CFAP299: variants seen among roughly 807,000 people sequenced by gnomAD.
CFAP299 encodes the protein cilia and flagella associated protein 299, also known as cilia- and flagella-associated protein 299.
Under a neutral mutation model 27.0 loss-of-function variants are expected in CFAP299, and 21 were observed. The ratio of observed to expected loss-of-function variants is 0.78; its 90% confidence interval spans 0.55 to 1.12. The LOEUF (loss-of-function observed/expected upper bound fraction) is 1.12. CFAP299 is among the 50% of genes most tolerant of loss of function. The pLI is 0.00. For missense variants in CFAP299, 310 were observed against 276.6 expected (o/e 1.12, Z -0.86); for synonymous variants, 104 against 98.1 (o/e 1.06, Z -0.36).
intron 2 of CFAP299, among the ~76,000 whole-genome samples, chr4:80,456,725 C>T (rs1729181277): frequency 6.6e-6 from 1 of 152,092 alleles, no homozygotes; most frequent in Non-Finnish European, 1.5e-5. Flanking sequence ...GTTGGATAAC[C>T]ATGTTGGAGT....
chr4:80,441,563 T>C (rs948825804), intron 2 of CFAP299, among the ~76,000 whole-genome samples: 7 of 152,204 alleles, frequency 4.6e-5, no homozygotes, highest in Admixed American at 3.9e-4. Flanking sequence ...CTGCACTAAA[T>C]ATGGAAAGGA....
At chr4:80,665,903 C>T (rs1000267554) in intron 3 of CFAP299, among the ~76,000 whole-genome samples, 7 of 152,064 alleles carry the variant, frequency 4.6e-5, no homozygotes, top group African/African-American at 1.4e-4. Context: ...TGGTCCTGCT[C>T]CTGCCACGTG....
intron 2 of CFAP299, among the ~76,000 whole-genome samples, chr4:80,565,652 A>G (rs956787351): frequency 1.3e-4 from 20 of 152,214 alleles, no homozygotes; most frequent in African/African-American, 4.3e-4. Context: ...CTGGTATCAT[A>G]CCTATTTAAA....
In CFAP299 at chr4:80,447,126, T is replaced by TA. The variant is rs1356560741; in HGVS notation, c.242+84242_242+84243insA. Among the ~76,000 whole-genome samples the TA allele has an allele frequency of 5.9e-5, 7 of 118,160 alleles. 1 individual carries two copies. The highest frequency in any genetic ancestry group is 2.6e-4 in the East Asian group (1 of 3,784). 77.5% of individuals were successfully genotyped at this position (118,160 alleles called of 152,430 possible). ...TGTTTTTGCTTTTTATTTGTTTTTT[T>TA]TTTGTTTTTTTTTTTTTTTTTTTTT... On this transcript the variant is annotated intron_variant, in intron 2 of 5. Transcript: ENST00000358105.
intron 3 of CFAP299, among the ~76,000 whole-genome samples, chr4:80,715,219 A>G (rs982607639): frequency 2.0e-5 from 3 of 152,114 alleles, no homozygotes; most frequent in African/African-American, 7.2e-5. Flanking sequence ...AGTTCACTAT[A>G]TAAACACAAT....
At chr4:80,493,759 CTTTTTTTTTTT>C (rs1177389983) in intron 2 of CFAP299, among the ~76,000 whole-genome samples, 1 of 76,758 alleles carries the variant, frequency 1.3e-5, no homozygotes, top group Admixed American at 1.4e-4. Flanking sequence ...ATCTCATATT[CTTTTTTTTTTT>C]TTTTTTTTTT....
At chr4:80,523,723 A>G (rs767442429) in intron 2 of CFAP299, among the ~76,000 whole-genome samples, 10 of 152,154 alleles carry the variant, frequency 6.6e-5, no homozygotes, top group Non-Finnish European at 1.3e-4. Context: ...CATTTAGACT[A>G]TGACTACGTC....
chr4:80,555,806 T>C (rs1734752538), intron 2 of CFAP299, among the ~76,000 whole-genome samples: 1 of 152,110 alleles, frequency 6.6e-6, no homozygotes, highest in South Asian at 2.1e-4. Context: ...TTGTAGTTTC[T>C]GATGGTTATT....
rs142304646 is a variant in CFAP299 at position 80,764,456 on chromosome 4, G to A, written c.334-105537G>A. 5.1e-3 allele frequency among the ~76,000 whole-genome samples: 774 copies of A among 152,274 alleles called. 4 individuals carry two copies. Among genetic ancestry groups the A allele is most frequent in the Middle Eastern group, 0.02 (6 of 294 alleles). On this transcript the variant is annotated intron_variant, in intron 3 of 5. Coordinates refer to ENST00000358105, the MANE Select transcript of CFAP299 (RefSeq NM_152770.3). The stretch of plus-strand genomic sequence containing the variant: ...AAGTCTGGAAACAATAGAAGCTGGC[G>A]AGGATGGAGAGAAATAGGAACGCGT...
chr4:80,355,378 GAC>G (rs1723221908), intron 1 of CFAP299, among the ~76,000 whole-genome samples: 1 of 78,360 alleles, frequency 1.3e-5, no homozygotes, highest in Non-Finnish European at 2.5e-5. Context: ...TTTTTTTTGA[GAC>G]AGAGTCTCGC....
chr4:80,592,924 T>A (rs571547684), intron 3 of CFAP299, among the ~76,000 whole-genome samples: 47 of 152,366 alleles, frequency 3.1e-4, no homozygotes, highest in African/African-American at 1.0e-3. Context: ...CATGTTTACT[T>A]CTCTTTTTCT....
At chr4:80,557,347 G>A (rs773652171) in intron 2 of CFAP299, among the ~76,000 whole-genome samples, 1 of 152,080 alleles carries the variant, frequency 6.6e-6, no homozygotes, top group Non-Finnish European at 1.5e-5. Context: ...TCCTGAGTGT[G>A]TTGTTGATGC....
At chr4:80,771,156 T>A (rs964151183) in intron 3 of CFAP299, among the ~76,000 whole-genome samples, 13 of 152,056 alleles carry the variant, frequency 8.5e-5, no homozygotes, top group Non-Finnish European at 1.2e-4. Flanking sequence ...ACAGCCACAA[T>A]CCAATCCAGA....
intron 2 of CFAP299, among the ~76,000 whole-genome samples, chr4:80,576,187 T>TA (rs760438865): frequency 7.0e-5 from 10 of 142,102 alleles, no homozygotes; most frequent in African/African-American, 2.3e-4. Flanking sequence ...AGTATAATAA[T>TA]AAAAAAAAAA....
At chr4:80,878,802 A>G (rs1461605407) in intron 4 of CFAP299, among the ~76,000 whole-genome samples, 1 of 152,138 alleles carries the variant, frequency 6.6e-6, no homozygotes, top group Non-Finnish European at 1.5e-5. Context: ...ACAACTTTCA[A>G]TGTAGAAATA....
At chr4:80,566,310 C>T (rs1398790590) in intron 2 of CFAP299, among the ~76,000 whole-genome samples, 2 of 151,962 alleles carry the variant, frequency 1.3e-5, no homozygotes, top group East Asian at 3.9e-4. Context: ...TTCCCAAACT[C>T]CCCTATCTAA....
chr4:80,584,832 C>T (rs1736350308), intron 3 of CFAP299, among the ~76,000 whole-genome samples: 1 of 151,890 alleles, frequency 6.6e-6, no homozygotes, highest in Non-Finnish European at 1.5e-5. Flanking sequence ...TATGAGGCAT[C>T]GTACTAACTG....
At chr4:80,414,265 T>C (rs1726891604) in intron 2 of CFAP299, among the ~76,000 whole-genome samples, 1 of 150,856 alleles carries the variant, frequency 6.6e-6, no homozygotes, top group African/African-American at 2.4e-5. Context: ...AGAGACGGGG[T>C]TTCACCGTTT....
At chr4:80,837,678 T>C (rs1223646065) in intron 3 of CFAP299, among the ~76,000 whole-genome samples, 2 of 152,222 alleles carry the variant, frequency 1.3e-5, no homozygotes, top group Admixed American at 1.3e-4. Context: ...CTTTATCCAG[T>C]CTATCATTGA....
Sources: gnomAD v4.1 joint callset for allele counts (sites outside exome capture counted in the v4.1 genomes callset) on GRCh38, gnomAD v4.1.1 for gene constraint, MANE v1.5 for transcripts, NCBI Gene and HGNC (gene_info 2026-07-23, HGNC 2026-07-21) for gene names.